The following EFHC1 variants were observed in gnomAD, a reference collection of about 807,000 sequenced individuals.
The protein encoded by EFHC1 is EF-hand domain-containing protein 1.
Under a neutral mutation model 69.9 loss-of-function variants are expected in EFHC1, and 53 were observed. That is an observed-to-expected ratio of 0.76 (90% CI 0.61 to 0.95). The LOEUF (loss-of-function observed/expected upper bound fraction) is 0.95, where lower values mean the gene tolerates loss of function less well. Ranked by LOEUF, EFHC1 falls within the 40% of genes least tolerant of loss-of-function variation. The probability of loss-of-function intolerance (pLI) is 0.00; values close to 1 mark genes in which losing one functional copy is unlikely to be tolerated. For synonymous variants in EFHC1, 256 were observed against 278.4 expected (o/e 0.92, Z 0.80); for missense variants, 739 against 798.7 (o/e 0.93, Z 0.90).
intron 10 of EFHC1, among the ~76,000 whole-genome samples, chr6:52,491,994 A>G (rs551928648): frequency 6.6e-6 from 1 of 152,224 alleles, no homozygotes; most frequent in Admixed American, 6.5e-5. Context: ...TAGAGCCTCC[A>G]GTGGTATACT....
At chr6:52,430,499 G>A (rs1238614880) in intron 2 of EFHC1, 1 of 152,018 alleles carries the variant, frequency 6.6e-6, no homozygotes, top group Non-Finnish European at 1.5e-5. Flanking sequence ...TGTTTATGTG[G>A]TGTATCACAT....
At chr6:52,450,813 T>C (rs1764899581) in intron 3 of EFHC1, among the ~76,000 whole-genome samples, 1 of 152,160 alleles carries the variant, frequency 6.6e-6, no homozygotes, top group Admixed American at 6.5e-5. Flanking sequence ...GTTTGTTTGT[T>C]TTTGAGACAG....
rs1167276352 is a variant in EFHC1 at position 52,495,136 on chromosome 6, A to C, written c.*2795A>C. 1 of 453,938 alleles carries C rather than the reference A, an allele frequency of 2.2e-6. No homozygotes were observed. Among genetic ancestry groups the C allele is most frequent in the African/African-American group, 2.0e-5 (1 of 49,984 alleles). 28.1% of individuals were successfully genotyped at this position (453,938 alleles called of 1,614,324 possible). On this transcript the variant is annotated 3_prime_UTR_variant, in exon 11 of 11. Transcript: ENST00000371068. Reference sequence around the variant, plus strand: ...TCTGATCTTCCCAGGAGGCCCTTTCAGGCTGACACACCTTCCAGGGTGTGC... The same window carrying C: ...TCTGATCTTCCCAGGAGGCCCTTTCCGGCTGACACACCTTCCAGGGTGTGC...
intron 9 of EFHC1, chr6:52,481,473 A>G (rs905960705): frequency 2.0e-5 from 3 of 151,782 alleles, no homozygotes; most frequent in Non-Finnish European, 2.9e-5. Flanking sequence ...TTGTTGGCAT[A>G]TAGTGATATT....
rs532575094 is a variant in EFHC1 at position 52,483,120 on chromosome 6, T to G, written c.1640+3333T>G. The G allele has an allele frequency of 9.7e-5, 34 of 351,306 alleles. No individual in the cohort carries two copies. The South Asian group carries it at 4.4e-3, about 45-fold the overall frequency. 21.8% of individuals were successfully genotyped at this position (351,306 alleles called of 1,614,324 possible). ...ATTGTCACTGATTGTGATATGCATC[T>G]GTTTAATTACATTGTGGTTAGTGGA... On this transcript the variant is annotated intron_variant, in intron 9 of 10. Transcript: ENST00000371068.
chr6:52,458,165 A>G lies in EFHC1; in HGVS notation c.916+3878A>G, dbSNP rs190515403. ...AATTCAATAGCCTATGCAAAAGTAA[A>G]TAAATAAATAAACTTCAACCCTTAC... On this transcript the variant is annotated intron_variant, in intron 5 of 10. Transcript: ENST00000371068. Among the ~76,000 whole-genome samples, 50 of 152,332 alleles carry G rather than the reference A, an allele frequency of 3.3e-4. 1 individual carries two copies. In the East Asian group the frequency reaches 8.7e-3, roughly 26 times the overall value.
intron 3 of EFHC1, among the ~76,000 whole-genome samples, chr6:52,443,527 C>T (rs1454639143): frequency 6.6e-6 from 1 of 152,132 alleles, no homozygotes; most frequent in Admixed American, 6.6e-5. Context: ...TTTCCCAGCA[C>T]CATTTATTAA....
intron 3 of EFHC1, among the ~76,000 whole-genome samples, chr6:52,447,449 A>C (rs1764812106): frequency 6.6e-6 from 1 of 152,124 alleles, no homozygotes; most frequent in Non-Finnish European, 1.5e-5. Flanking sequence ...TGTTTATTCT[A>C]GTTAGCCATT....
chr6:52,440,032 G>A (rs760647219), intron 3 of EFHC1, among the ~76,000 whole-genome samples: 1 of 152,022 alleles, frequency 6.6e-6, no homozygotes, highest in Non-Finnish European at 1.5e-5. Flanking sequence ...TTGAACATTT[G>A]CAAGTTAATC....
In EFHC1 at chr6:52,424,170, A is replaced by T; in HGVS notation, c.285+3A>T. ...CGCATGTGGCCTTTGACAAAAAGGT[A>T]TCATCTGGAATTTTAGGGTACCCCT... is the stretch of plus-strand genomic sequence containing the variant. On this transcript the variant is annotated splice_donor_region_variant and intron_variant, in intron 2 of 10. Transcript: ENST00000371068. 6.2e-7 allele frequency: 1 copy of T among 1,613,558 alleles called. No individual in the cohort carries two copies. The highest frequency in any genetic ancestry group is 1.1e-5 in the South Asian group (1 of 91,014).
chr6:52,447,681 G>C (rs1002715229), intron 3 of EFHC1, among the ~76,000 whole-genome samples: 6 of 152,168 alleles, frequency 3.9e-5, no homozygotes, highest in African/African-American at 1.4e-4. Flanking sequence ...TTCTGCTCTG[G>C]TTTCTCCCCA....
chr6:52,437,328 C>T (rs1247012659), intron 2 of EFHC1, among the ~76,000 whole-genome samples: 1 of 152,164 alleles, frequency 6.6e-6, no homozygotes, highest in East Asian at 1.9e-4. Flanking sequence ...GGACTTTTGA[C>T]ATGGAGGTGA....
At chr6:52,488,952 T>C (rs1379151874) in intron 9 of EFHC1, 2 of 152,232 alleles carry the variant, frequency 1.3e-5, no homozygotes, top group Non-Finnish European at 2.9e-5. Flanking sequence ...AACAATCTTA[T>C]AGATGTATCT....
chr6:52,475,954 G>T (rs1462571528), intron 7 of EFHC1, among the ~76,000 whole-genome samples: 1 of 152,190 alleles, frequency 6.6e-6, no homozygotes, highest in Admixed American at 6.5e-5. Flanking sequence ...TCAGCAGAAT[G>T]GGGAAAGCCT....
intron 9 of EFHC1, chr6:52,480,202 G>C (rs1765644999): frequency 3.5e-6 from 1 of 289,280 alleles, no homozygotes; most frequent in Admixed American, 4.9e-5. Flanking sequence ...AGAAAATTAA[G>C]AAAATAATAA....
chr6:52,464,892 T>G lies in EFHC1; in HGVS notation c.917-3T>G. On this transcript the variant is annotated splice_region_variant and splice_polypyrimidine_tract_variant and intron_variant, in intron 5 of 10. Coordinates refer to ENST00000371068, the MANE Select transcript of EFHC1 (RefSeq NM_018100.4). ...TTTTCTCTCTAACACCATCTTATATTAGAGAACTTCCCTCAGTGTGTGCTA... is the reference window on the plus strand; with the variant it reads ...TTTTCTCTCTAACACCATCTTATATGAGAGAACTTCCCTCAGTGTGTGCTA... 3.1e-6 allele frequency: 5 copies of G among 1,612,886 alleles called. No homozygotes were observed. The highest frequency in any genetic ancestry group is 4.2e-6 in the Non-Finnish European group (5 of 1,178,872).
rs752449166 is a variant in EFHC1, at chr6:52,469,426, A to G, written c.1231A>G (p.Lys411Glu). The G allele has an allele frequency of 1.9e-6, 3 of 1,614,086 alleles. No homozygotes were observed. Among genetic ancestry groups the G allele is most frequent in the Middle Eastern group, 1.7e-4 (1 of 6,058 alleles). ...IPKAPKKDVIKMLVNDNKVLR... is the reference protein window; with the variant it reads ...IPKAPKKDVIEMLVNDNKVLR... The stretch of plus-strand genomic sequence containing the variant: ...AAAAGCTCCAAAAAAAGACGTTATT[A>G]AAATGCTGGTGAATGATAACAAGGT... The change falls in exon 7 of 11, where the codon AAA (lysine) becomes GAA (glutamate). Residue 411 changes from lysine to glutamate, a missense_variant. By Grantham distance (56) the Lys-to-Glu change is moderately conservative. Transcript: ENST00000371068.
chr6:52,468,805 A>G (rs1765369954), intron 6 of EFHC1: 1 of 164,334 alleles, frequency 6.1e-6, no homozygotes, highest in East Asian at 1.7e-4. Flanking sequence ...TATTCTAGCC[A>G]TGATTACCAC....
chr6:52,454,074 A>G, intron 4 of EFHC1, 21 bp from the exon 5 acceptor site: 1 of 1,612,292 alleles, frequency 6.2e-7, no homozygotes. Context: ...TTCTTGAGTC[A>G]CTACTTTGGA....
Sources: gnomAD v4.1 joint callset for allele counts (sites outside exome capture counted in the v4.1 genomes callset) on GRCh38, gnomAD v4.1.1 for gene constraint, MANE v1.5 for transcripts, NCBI Gene and HGNC (gene_info 2026-07-23, HGNC 2026-07-21) for gene names.